The following SNAPC4 variants were observed in gnomAD, a reference collection of about 807,000 sequenced individuals.
SNAPC4 encodes small nuclear RNA activating complex polypeptide 4, also known as snRNA-activating protein complex subunit 4.
SNAPC4 carries 127 observed loss-of-function variants against 151.3 expected under a neutral mutation model. The observed-to-expected ratio is 0.84, with a 90% confidence interval of 0.73 to 0.97. SNAPC4 has a LOEUF of 0.97. SNAPC4 is among the 50% of genes least tolerant of loss of function. The probability of loss-of-function intolerance (pLI) is 0.00; values close to 1 mark genes in which losing one functional copy is unlikely to be tolerated. For synonymous variants in SNAPC4, 1,002 were observed against 824.4 expected, an observed-to-expected ratio of 1.22 and a Z score of -3.69; for missense variants, 2,186 against 1,935.0, an observed-to-expected ratio of 1.13 and a Z score of -2.43.
chr9:136,396,415 T>G (rs1028657406), intron 3 of SNAPC4, among the ~76,000 whole-genome samples: 3 of 152,162 alleles, frequency 2.0e-5, no homozygotes, highest in Non-Finnish European at 4.4e-5. Flanking sequence ...TTTGGGTGCT[T>G]GTGTATTTTT....
At chr9:136,385,629 C>G (rs1047608886) in intron 13 of SNAPC4, among the ~76,000 whole-genome samples, 7 of 151,998 alleles carry the variant, frequency 4.6e-5, no homozygotes, top group African/African-American at 9.7e-5. Context: ...AATCTCAGCT[C>G]GCTGCAACCA....
At chr9:136,376,216 T>C (rs1833439196) in intron 23 of SNAPC4, 133 bp downstream of exon 23, 9 of 1,078,502 alleles carry the variant, frequency 8.3e-6, no homozygotes, top group Admixed American at 2.1e-5. Flanking sequence ...TCCATGACCC[T>C]GGACCTGCCC....
At chr9:136,391,828 G>C in intron 10 of SNAPC4, 114 bp downstream of exon 10, 1 of 1,177,388 alleles carries the variant, frequency 8.5e-7, no homozygotes, top group Non-Finnish European at 1.2e-6. Flanking sequence ...GCAACACATA[G>C]AAACCTGGCG....
intron 21 of SNAPC4, among the ~76,000 whole-genome samples, chr9:136,379,530 T>C (rs1833611410): frequency 6.6e-6 from 1 of 152,198 alleles, no homozygotes; most frequent in Non-Finnish European, 1.5e-5. Context: ...GCCCATTTAA[T>C]GCTGGCTGAG....
At chr9:136,392,845 C>T in intron 7 of SNAPC4, 68 bp from the exon 8 acceptor site, 1 of 1,246,968 alleles carries the variant, frequency 8.0e-7, no homozygotes. Context: ...GTTCTCTGCA[C>T]ATTACAGGGC....
chr9:136,392,089 A>G lies in SNAPC4; in HGVS notation c.828T>C (p.Ser276=). The change falls in exon 10 of 24, where the codon AGT becomes AGC. Residue 276 remains serine, a synonymous_variant. Coordinates refer to ENST00000684778, the MANE Select transcript of SNAPC4 (RefSeq NM_003086.4). ...GCCAGAACTTCCGGATCTCCTCTGC[A>G]CTGCGGCTGCCTTCAAACTGCACCG... ...ISNINFEGSR[S]AEEIRKFWQN... 6.2e-7 allele frequency: 1 copy of G among 1,612,278 alleles called. No homozygotes were observed.
intron 22 of SNAPC4, among the ~76,000 whole-genome samples, chr9:136,376,738 A>G (rs3812564): frequency 0.42 from 64,408 of 152,126 alleles, 13,858 homozygotes; most frequent in Admixed American, 0.52. Context: ...CATCACACCC[A>G]GGCAGGGCAG....
chr9:136,382,737 CCA>C (rs1471721644), intron 16 of SNAPC4, among the ~76,000 whole-genome samples: 1 of 152,232 alleles, frequency 6.6e-6, no homozygotes, highest in African/African-American at 2.4e-5. Flanking sequence ...CTGACTGCTC[CCA>C]CAGACATGGC....
chr9:136,387,825 C>G lies in SNAPC4; in HGVS notation c.1147G>C (p.Asp383His). The G allele has an allele frequency of 1.2e-6, 2 of 1,608,614 alleles. No individual in the cohort carries two copies. The highest frequency in any genetic ancestry group is 1.7e-4 in the Middle Eastern group (1 of 6,052). ...RRIVYYMEGR[D>H]SMQLIYRWTK... ...CATCGGTAGATCAGCTGCATGGAGT[C>G]TCTCCCTTCCATATAGTAGACAACT... Residue 383 changes from aspartate (D) to histidine (H), a missense_variant, in exon 12 of 24, where the codon GAC becomes CAC. Physicochemically the swap from Asp to His is moderately conservative, Grantham distance 81. Coordinates refer to ENST00000684778, the MANE Select transcript of SNAPC4 (RefSeq NM_003086.4).
chr9:136,388,418 G>A, intron 11 of SNAPC4, 26 bp downstream of exon 11: 1 of 1,606,800 alleles, frequency 6.2e-7, no homozygotes, highest in Middle Eastern at 1.7e-4. Context: ...GACAGCCTGA[G>A]AGCCGTCGGG....
chr9:136,383,693 G>C lies in SNAPC4; in HGVS notation c.1501-25C>G, dbSNP rs756286680. On this transcript the variant is annotated intron_variant, in intron 15 of 23. Coordinates refer to ENST00000684778, the MANE Select transcript of SNAPC4 (RefSeq NM_003086.4). The surrounding 1 kb of genome is among the most constrained non-coding windows in gnomAD (Gnocchi z 4.2). ...TCTGAGGGGAGGAAAGAGCTACTTA[G>C]AGGCCTTGGCAAGCCCGGTTCACCC... 1 of 1,580,008 alleles carries C rather than the reference G, an allele frequency of 6.3e-7. No homozygotes were observed. Among genetic ancestry groups the C allele is most frequent in the East Asian group, 2.2e-5 (1 of 44,608 alleles).
chr9:136,377,374 T>C (rs1439195364), intron 22 of SNAPC4, among the ~76,000 whole-genome samples, 169 bp downstream of exon 22: 3 of 152,308 alleles, frequency 2.0e-5, no homozygotes, highest in East Asian at 3.9e-4. Context: ...CTGCAGAATC[T>C]ACACGCAACT....
chr9:136,399,796 G>T (rs1834391663), intron 1 of SNAPC4, among the ~76,000 whole-genome samples: 1 of 152,214 alleles, frequency 6.6e-6, no homozygotes, highest in Non-Finnish European at 1.5e-5. Flanking sequence ...CTCGCTGCGT[G>T]AACTGGGGAA....
chr9:136,394,276 T>C lies in SNAPC4; in HGVS notation c.605A>G (p.Gln202Arg). ...LRKSVVSDRL[Q>R]RLLQPKLLKL... ...CAGTAACTTGGGCTGAAGCAATCGC[T>C]GCAGGCGGTCACTCACCACTGACTT... The change falls in exon 7 of 24, where the codon CAG becomes CGG. Residue 202 changes from glutamine to arginine, a missense_variant. Coordinates refer to ENST00000684778, the MANE Select transcript of SNAPC4 (RefSeq NM_003086.4). 1 of 1,613,940 alleles carries C rather than the reference T, an allele frequency of 6.2e-7. No homozygotes were observed. The highest frequency in any genetic ancestry group is 8.5e-7 in the Non-Finnish European group (1 of 1,179,948).
chr9:136,383,725 G>A lies in SNAPC4; in HGVS notation c.1501-57C>T, dbSNP rs959490332. ...TGGCAAGCCCGGTTCACCCATGATG[G>A]CAGCAAGCAGGCCAGCCCTTTGGGG... On this transcript the variant is annotated intron_variant, in intron 15 of 23. Transcript: ENST00000684778. This position sits in a 1 kb window ranked among gnomAD's most constrained non-coding sequence, Gnocchi z 4.2. 1 of 1,555,838 alleles carries A rather than the reference G, an allele frequency of 6.4e-7. No homozygotes were observed. Among genetic ancestry groups the A allele is most frequent in the Non-Finnish European group, 8.7e-7 (1 of 1,148,440 alleles).
At position 136,394,253 on chromosome 9, in the gene SNAPC4, G is replaced by A. The variant is rs778073381; in HGVS notation, c.628C>T (p.Leu210=). ...GACTTATGGTTTTAGACTTACTTCA[G>A]TAACTTGGGCTGAAGCAATCGCTGC... ...RLQRLLQPKL[L]KLEYLHQKQS... is the part of the protein sequence containing the mutation. Residue 210 remains leucine (L), a synonymous_variant, in exon 7 of 24, where the codon CTG becomes TTG. Coordinates refer to ENST00000684778, the MANE Select transcript of SNAPC4 (RefSeq NM_003086.4). The A allele has an allele frequency of 6.2e-7, 1 of 1,612,756 alleles. No individual in the cohort carries two copies.
At chr9:136,397,465 G>GA (rs1400365771) in intron 2 of SNAPC4, among the ~76,000 whole-genome samples, 1 of 150,240 alleles carries the variant, frequency 6.7e-6, no homozygotes, top group Non-Finnish European at 1.5e-5. Flanking sequence ...GCAAGGCTGG[G>GA]GGGGTCTCCT....
At chr9:136,381,560 A>AGGGT (rs1408522527) in intron 18 of SNAPC4, among the ~76,000 whole-genome samples, 168 bp from the exon 19 acceptor site, 1 of 151,414 alleles carries the variant, frequency 6.6e-6, no homozygotes, top group African/African-American at 2.4e-5. Context: ...CGCCTGGACA[A>AGGGT]GGGTGGGCCC....
At chr9:136,396,423 T>C (rs1297050449) in intron 3 of SNAPC4, among the ~76,000 whole-genome samples, 1 of 152,182 alleles carries the variant, frequency 6.6e-6, no homozygotes, top group Non-Finnish European at 1.5e-5. Flanking sequence ...CTTGTGTATT[T>C]TTCTTTTTTT....
Sources: gnomAD v4.1 joint callset for allele counts (sites outside exome capture counted in the v4.1 genomes callset) on GRCh38, gnomAD v4.1.1 for gene constraint, Gnocchi (gnomAD v3.1) non-coding constraint, MANE v1.5 for transcripts, NCBI Gene and HGNC (gene_info 2026-07-23, HGNC 2026-07-21) for gene names.